Variants in MYOT observed in about 807,000 individuals in gnomAD.
MYOT encodes myotilin.
MYOT carries 36 observed loss-of-function variants against 58.0 expected under a neutral mutation model. The observed-to-expected ratio is 0.62, with a 90% CI of 0.48 to 0.82. The LOEUF is 0.82. Ranked by LOEUF, MYOT falls within the 40% of genes least tolerant of loss-of-function variation. The pLI is 0.00. For synonymous variants in MYOT, 218 were observed against 204.6 expected (o/e 1.07, Z -0.56); for missense variants, 505 against 592.1 (o/e 0.85, Z 1.53).
chr5:137,880,629 T>C, intron 4 of MYOT, 187 bp from the exon 5 acceptor site: 1 of 538,648 alleles, frequency 1.9e-6, no homozygotes, highest in South Asian at 2.6e-5. Flanking sequence ...ATTCTGGGCT[T>C]CTTGCTAGAG....
intron 3 of MYOT, 55 bp downstream of exon 3, chr5:137,876,058 T>G: frequency 6.4e-7 from 1 of 1,571,296 alleles, no homozygotes; most frequent in Non-Finnish European, 8.7e-7. Context: ...AAATCTAATT[T>G]TAATAAGGAA....
At chr5:137,880,232 A>G (rs557319864) in intron 4 of MYOT, among the ~76,000 whole-genome samples, 2 of 152,366 alleles carry the variant, frequency 1.3e-5, no homozygotes, top group South Asian at 4.1e-4. Context: ...ATCCTAAAAG[A>G]TGTCTGCTTA....
chr5:137,881,169 G>A (rs1755418032), intron 5 of MYOT, among the ~76,000 whole-genome samples: 2 of 152,118 alleles, frequency 1.3e-5, no homozygotes. Context: ...AATCTGCTGG[G>A]TACTGGGCAT....
At chr5:137,871,657 G>A (rs1294223854) in intron 2 of MYOT, among the ~76,000 whole-genome samples, 1 of 152,204 alleles carries the variant, frequency 6.6e-6, no homozygotes, top group Admixed American at 6.5e-5. Context: ...ACCACACCTT[G>A]TTCAAATTAG....
At chr5:137,875,792 C>A in intron 2 of MYOT, 37 bp from the exon 3 acceptor site, 1 of 1,609,942 alleles carries the variant, frequency 6.2e-7, no homozygotes, top group Non-Finnish European at 8.5e-7. Context: ...AGGCCAAGAC[C>A]TTCTTTTTAA....
At chr5:137,869,796 C>G (rs546429286) in intron 1 of MYOT, among the ~76,000 whole-genome samples, 1 of 151,858 alleles carries the variant, frequency 6.6e-6, no homozygotes, top group East Asian at 1.9e-4. Context: ...CTAAAAATAA[C>G]AGAATTATAA....
chr5:137,885,771 C>CAA (rs71583286), intron 7 of MYOT, among the ~76,000 whole-genome samples: 327 of 30,974 alleles, frequency 0.011, 42 homozygotes, highest in East Asian at 0.05. Context: ...GACTCTGTCT[C>CAA]AAAAAAAAAA....
chr5:137,870,341 A>C (rs1324910733), intron 1 of MYOT, 100 bp from the exon 2 acceptor site: 1 of 436,654 alleles, frequency 2.3e-6, no homozygotes, highest in African/African-American at 2.0e-5. Context: ...GGAAGGAAGG[A>C]AAGAAAGGAA....
At chr5:137,877,458 AG>A in intron 3 of MYOT, 61 bp from the exon 4 acceptor site, 1 of 1,116,060 alleles carries the variant, frequency 9.0e-7, no homozygotes, top group South Asian at 1.2e-5. Flanking sequence ...AGTGGTTTTA[AG>A]GTAAACCTGT....
At chr5:137,883,063 G>A (rs1307622536) in intron 6 of MYOT, 1 of 289,632 alleles carries the variant, frequency 3.5e-6, no homozygotes, top group African/African-American at 2.2e-5. Context: ...AGCCAGAAAA[G>A]CAATGACTTC....
chr5:137,882,204 G>A lies in MYOT; in HGVS notation c.816+99G>A, dbSNP rs1176760537. ...TACTTCATAGCTTGCAAAGCAGTAC[G>A]TACAATGGACAAGAACACAAATTCT... On this transcript the variant is annotated intron_variant, in intron 6 of 9. Coordinates refer to ENST00000239926, the MANE Select transcript of MYOT (RefSeq NM_006790.3). 16 of 1,326,232 alleles carry A rather than the reference G, an allele frequency of 1.2e-5. 1 individual carries two copies. The highest frequency in any genetic ancestry group is 4.4e-5 in the African/African-American group (3 of 68,664). The allele number at this position is 1,326,232 out of a possible 1,614,324, so 82.2% of individuals were successfully genotyped here. A position where few individuals can be genotyped will look rare whatever the true frequency, so the allele number is the denominator to read the frequency against.
At chr5:137,868,609 A>G (rs1297069875) in intron 1 of MYOT, among the ~76,000 whole-genome samples, 1 of 152,224 alleles carries the variant, frequency 6.6e-6, no homozygotes, top group African/African-American at 2.4e-5. Flanking sequence ...GACAGTTGCC[A>G]TTCTGAAAAT....
chr5:137,880,621 T>C, intron 4 of MYOT, 195 bp from the exon 5 acceptor site: 1 of 534,238 alleles, frequency 1.9e-6, no homozygotes, highest in Non-Finnish European at 3.4e-6. Context: ...TCCCATTAAT[T>C]CTGGGCTTCT....
At chr5:137,886,255 G>A (rs1755599269) in intron 8 of MYOT, 42 bp downstream of exon 8, 2 of 1,493,104 alleles carry the variant, frequency 1.3e-6, no homozygotes, top group East Asian at 2.3e-5. Flanking sequence ...TTATTTGGGT[G>A]AATCCAGTTA....
intron 6 of MYOT, 88 bp downstream of exon 6, chr5:137,882,193 C>A (rs1755458885): frequency 2.1e-6 from 3 of 1,423,262 alleles, no homozygotes; most frequent in South Asian, 2.3e-5. Context: ...TCATAGCTTG[C>A]AAAGCAGTAC....
At chr5:137,886,639 C>T in intron 8 of MYOT, 1 of 589,174 alleles carries the variant, frequency 1.7e-6, no homozygotes, top group Non-Finnish European at 3.1e-6. Context: ...ACAGACACAC[C>T]CGAGTGAATG....
rs1172576383 is a variant in MYOT at position 137,877,367 on chromosome 5, CA to C, written c.532-129del. ...TGGGCGACGGAGTAAGACTCCGTCTCAAAAAAAAAAAAAAAAAAAAAAAATA... is the reference window on the plus strand; with the variant it reads ...TGGGCGACGGAGTAAGACTCCGTCTCAAAAAAAAAAAAAAAAAAAAAAATA... On this transcript the variant is annotated intron_variant, in intron 3 of 9. Coordinates refer to ENST00000239926, the MANE Select transcript of MYOT (RefSeq NM_006790.3). 0.066 allele frequency among the ~76,000 whole-genome samples: 2,779 copies of C among 42,144 alleles called. 31 individuals carry two copies. Among genetic ancestry groups the C allele is most frequent in the African/African-American group, 0.18 (2,334 of 13,088 alleles). 27.6% of individuals were successfully genotyped at this position (42,144 alleles called of 152,430 possible).
At position 137,880,876 on chromosome 5, in the gene MYOT, T is replaced by G; in HGVS notation, c.683+11T>G. ...TACATCACAAGTAAGGTAAAAAATT[T>G]TAATTTTAAAGAAATGTATGTTTTC... On this transcript the variant is annotated intron_variant, in intron 5 of 9. Transcript: ENST00000239926. 3 of 1,579,336 alleles carry G rather than the reference T, an allele frequency of 1.9e-6. No individual in the cohort carries two copies. Among genetic ancestry groups the G allele is most frequent in the Non-Finnish European group, 2.6e-6 (3 of 1,150,792 alleles).
rs1292717623 is a variant in MYOT, at chr5:137,886,608, T to C, written c.1191-256T>C. On this transcript the variant is annotated intron_variant, in intron 8 of 9. Transcript: ENST00000239926. The stretch of plus-strand genomic sequence containing the variant: ...AGGTCAGGACCCCTCCATTCCCCTA[T>C]ACATACGCATAAATACAAACACAGA... 7.7e-6 allele frequency: 4 copies of C among 521,074 alleles called. No homozygotes were observed. In the Admixed American group the frequency reaches 1.2e-4, roughly 16 times the overall value. The allele number at this position is 521,074 out of a possible 1,614,324, so 32.3% of individuals were successfully genotyped here.
Sources: allele counts gnomAD v4.1 joint callset (sites outside exome capture counted in the v4.1 genomes callset), GRCh38; gene constraint gnomAD v4.1.1; transcripts MANE v1.5; gene names NCBI Gene and HGNC (gene_info 2026-07-23, HGNC 2026-07-21).